The following STAT6 variants were observed in gnomAD, a reference collection of about 807,000 sequenced individuals.
STAT6 encodes signal transducer and activator of transcription 6.
Under a neutral mutation model 106.3 loss-of-function variants are expected in STAT6, and 45 were observed. The ratio of observed to expected loss-of-function variants is 0.42; its 90% CI spans 0.33 to 0.54. The LOEUF (loss-of-function observed/expected upper bound fraction) is 0.54, where lower values mean the gene tolerates loss of function less well. Ranked by LOEUF, STAT6 falls within the 20% of genes least tolerant of loss-of-function variation. STAT6 has a pLI of 0.06. For missense variants in STAT6, 797 were observed against 1,062.2 expected (o/e 0.75, Z 3.47); for synonymous variants, 413 against 413.6 (o/e 1.00, Z 0.02).
At chr12:57,098,007 T>A (rs2033561568) in intron 19 of STAT6, among the ~76,000 whole-genome samples, 1 of 152,130 alleles carries the variant, frequency 6.6e-6, no homozygotes, top group African/African-American at 2.4e-5. Context: ...AAAGCTAGGA[T>A]CAATAGGCTA....
intron 13 of STAT6, among the ~76,000 whole-genome samples, chr12:57,101,466 C>T (rs1207704296): frequency 2.0e-5 from 3 of 150,204 alleles, no homozygotes; most frequent in East Asian, 3.9e-4. Context: ...CCTCTACCTC[C>T]TGGGTTCACC....
At chr12:57,108,135 G>A (rs778822189) in intron 2 of STAT6, 28 bp downstream of exon 2, 2 of 1,408,586 alleles carry the variant, frequency 1.4e-6, no homozygotes, top group African/African-American at 1.4e-5. Flanking sequence ...AAGACTTGGG[G>A]GACCAGCAGG....
At chr12:57,106,920 T>G in intron 4 of STAT6, 89 bp from the exon 5 acceptor site, 1 of 1,566,792 alleles carries the variant, frequency 6.4e-7, no homozygotes, top group African/African-American at 1.4e-5. Context: ...AGATAGCGTT[T>G]TCTTGTTCCC....
At position 57,099,863 on chromosome 12, in the gene STAT6, G is replaced by A; in HGVS notation, c.1648C>T (p.Leu550Phe). ...GFISKQYVTS[L>F]LLNEPDGTFL... ...GTTCCGTCGGGCTCATTGAGAAGAA[G>A]GCTAGTAACGTACTGTTTGCTGATG... The change falls in exon 15 of 22, where the codon CTT (leucine) becomes TTT (phenylalanine). Residue 550 changes from leucine to phenylalanine, a missense_variant. Leu to Phe is a conservative substitution (Grantham distance 22). Coordinates refer to ENST00000300134, the MANE Select transcript of STAT6 (RefSeq NM_003153.5). This position sits in a 1 kb window ranked among gnomAD's most constrained non-coding sequence, Gnocchi z 4.7. 1.2e-6 allele frequency: 2 copies of A among 1,614,238 alleles called. No homozygotes were observed. The highest frequency in any genetic ancestry group is 2.2e-5 in the East Asian group (1 of 44,888).
rs1316602215 is a variant in STAT6, at chr12:57,098,830, A to G, written c.2028T>C (p.Pro676=). ...MVPSYDLGMA[P]DSSMSMQLGP... is the part of the protein sequence containing the mutation. The stretch of plus-strand genomic sequence containing the variant: ...CAAGCTGCATGCTCATGGAGGAATC[A>G]GGGGCCATTCCAAGGTCATAAGAAG... Residue 676 remains proline, a synonymous_variant, in exon 18 of 22, where the codon CCT becomes CCC. Coordinates refer to ENST00000300134, the MANE Select transcript of STAT6 (RefSeq NM_003153.5). 6.2e-7 allele frequency: 1 copy of G among 1,613,354 alleles called. No individual in the cohort carries two copies. The highest frequency in any genetic ancestry group is 8.5e-7 in the Non-Finnish European group (1 of 1,179,784).
In STAT6 at chr12:57,106,189, A is replaced by G. The variant is rs771493388; in HGVS notation, c.680+2T>C. 1 of 1,613,580 alleles carries G rather than the reference A, an allele frequency of 6.2e-7. No individual in the cohort carries two copies. The highest frequency in any genetic ancestry group is 8.5e-7 in the Non-Finnish European group (1 of 1,179,870). On this transcript the variant is annotated splice_donor_variant, in intron 7 of 21. Coordinates refer to ENST00000300134, the MANE Select transcript of STAT6 (RefSeq NM_003153.5). LOFTEE classifies it high-confidence loss of function. ...CCTCTTCCCCATCAGCCCTAGCCCA[A>G]CCTCTCCTGGAGTGGGGCCAGGCTC...
In STAT6 at chr12:57,096,595, G is replaced by A. The variant is rs3024978; in HGVS notation, c.2521C>T (p.Leu841=). Residue 841 remains leucine, a synonymous_variant, in exon 22 of 22, where the codon CTA becomes TTA. Coordinates refer to ENST00000300134, the MANE Select transcript of STAT6 (RefSeq NM_003153.5). The part of the protein sequence containing the change: ...QSGISMSHMD[L]RANPSW ...GATCACCAACTGGGGTTGGCCCTTAGGTCCATGTGGGACATTGAGATCCCA... is the reference window on the plus strand; with the variant it reads ...GATCACCAACTGGGGTTGGCCCTTAAGTCCATGTGGGACATTGAGATCCCA... 208 of 1,602,996 alleles carry A rather than the reference G, an allele frequency of 1.3e-4. 2 individuals are homozygous for A. In the African/African-American group the frequency reaches 2.0e-3, roughly 15 times the overall value.
At chr12:57,100,684 GAAAGAAAGAAAGAA>G (rs1565684362) in intron 13 of STAT6, among the ~76,000 whole-genome samples, 3,522 of 66,178 alleles carry the variant, frequency 0.053, 80 homozygotes, top group Middle Eastern at 0.081. Flanking sequence ...AAGAAAGAAA[GAAAGAAAGAAAGAA>G]AGAGAAAGAA....
intron 1 of STAT6, chr12:57,110,212 A>G (rs1249571015): frequency 2.6e-5 from 4 of 152,310 alleles, no homozygotes; most frequent in Non-Finnish European, 5.9e-5. Context: ...GGCTAGAAAT[A>G]TCCAACCCCT....
At chr12:57,106,140 C>A (rs765042915) in intron 7 of STAT6, 51 bp downstream of exon 7, 1 of 1,608,480 alleles carries the variant, frequency 6.2e-7, no homozygotes. Flanking sequence ...TCAGCAGGGT[C>A]AGCTGCCCAC....
chr12:57,104,128 A>T (rs578064560), intron 11 of STAT6: 1 of 291,392 alleles, frequency 3.4e-6, no homozygotes, highest in East Asian at 8.3e-5. Flanking sequence ...CAATGTCCTT[A>T]TCTATAAAAT....
At chr12:57,100,680 G>C (rs1183996970) in intron 13 of STAT6, among the ~76,000 whole-genome samples, 1 of 56,516 alleles carries the variant, frequency 1.8e-5, no homozygotes, top group Non-Finnish European at 3.6e-5. Context: ...AAGAAAGAAA[G>C]AAAGAAAGAA....
chr12:57,104,297 C>T, intron 11 of STAT6, 167 bp downstream of exon 11: 1 of 934,728 alleles, frequency 1.1e-6, no homozygotes, highest in Admixed American at 2.6e-5. Context: ...CTGCCCTGTG[C>T]ACTCCATGCT....
At chr12:57,100,712 A>AAG (rs1565684820) in intron 13 of STAT6, 49 of 60,024 alleles carry the variant, frequency 8.2e-4, no homozygotes, top group Middle Eastern at 0.014. Context: ...GAAAGAAAGA[A>AAG]AGAAAGAAAG....
chr12:57,098,416 G>T, intron 19 of STAT6, 89 bp downstream of exon 19: 1 of 1,288,476 alleles, frequency 7.8e-7, no homozygotes, highest in Non-Finnish European at 1.1e-6. Context: ...AGCATTTGCT[G>T]CTCCTTTCTC....
At chr12:57,102,976 T>TTCC in intron 11 of STAT6, 55 bp from the exon 12 acceptor site, 1 of 101,112 alleles carries the variant, frequency 9.9e-6, no homozygotes, top group South Asian at 1.5e-4. Context: ...TTTTTTTTTT[T>TTCC]TTTTTTTTTT....
At position 57,098,771 on chromosome 12, in the gene STAT6, CCT is replaced by C; in HGVS notation, c.2066+19_2066+20del. 6.2e-7 allele frequency: 1 copy of C among 1,610,130 alleles called. No individual in the cohort carries two copies. On this transcript the variant is annotated intron_variant, in intron 18 of 21. Transcript: ENST00000300134. ...CCCATCTGCACAGACCACTCCCATT[CCT>C]GTCTTTCCAGCTCCTTACACCATAT...
At chr12:57,104,237 G>A (rs1055733643) in intron 11 of STAT6, 4 of 585,074 alleles carry the variant, frequency 6.8e-6, no homozygotes, top group Admixed American at 3.1e-5. Flanking sequence ...AGAGTGCCCT[G>A]GTCTATAGGA....
At position 57,099,158 on chromosome 12, in the gene STAT6, A is replaced by T. The variant is rs917416727; in HGVS notation, c.1892-80T>A. The T allele has an allele frequency of 6.2e-7, 1 of 1,600,120 alleles. No individual in the cohort carries two copies. The highest frequency in any genetic ancestry group is 1.3e-5 in the African/African-American group (1 of 74,622). On this transcript the variant is annotated intron_variant, in intron 16 of 21. Coordinates refer to ENST00000300134, the MANE Select transcript of STAT6 (RefSeq NM_003153.5). The surrounding 1 kb of genome is among the most constrained non-coding windows in gnomAD (Gnocchi z 4.7). ...GAGGTGGAAAAGGTGGGCATGGATC[A>T]TGGGGAAGTAAGAGAAGCACAGCTA...
Sources: allele counts gnomAD v4.1 joint callset (sites outside exome capture counted in the v4.1 genomes callset), GRCh38; gene constraint gnomAD v4.1.1; non-coding constraint Gnocchi (gnomAD v3.1); transcripts MANE v1.5; gene names NCBI Gene and HGNC (gene_info 2026-07-23, HGNC 2026-07-21).